Variants in GSK3A observed in about 807,000 individuals in gnomAD.
The protein encoded by GSK3A is glycogen synthase kinase-3 alpha.
GSK3A carries 14 observed loss-of-function variants against 56.6 expected under a neutral mutation model. That is an observed-to-expected ratio of 0.25 (90% CI 0.16 to 0.39). The LOEUF (loss-of-function observed/expected upper bound fraction) is 0.39. GSK3A is among the 10% of genes least tolerant of loss of function. GSK3A has a pLI of 1.00. For missense variants in GSK3A, 450 were observed against 656.0 expected (o/e 0.69, Z 3.43); for synonymous variants, 301 against 285.0 (o/e 1.06, Z -0.56).
In GSK3A at chr19:42,230,736, C is replaced by G; in HGVS notation, c.*58G>C. ...CAGGAGCTTGATGGGCTATGGCCCC[C>G]CTTCCCAGCCCCTCTTGGGGCTCCC... On this transcript the variant is annotated 3_prime_UTR_variant, in exon 11 of 11. Coordinates refer to ENST00000222330, the MANE Select transcript of GSK3A (RefSeq NM_019884.3). The G allele has an allele frequency of 1.5e-6, 2 of 1,325,512 alleles. No homozygotes were observed. The highest frequency in any genetic ancestry group is 1.5e-5 in the African/African-American group (1 of 68,808). 82.1% of individuals were successfully genotyped at this position (1,325,512 alleles called of 1,614,324 possible).
rs545101150 is a variant in GSK3A, at chr19:42,232,736, C to T, written c.1099-54G>A. ...GTGAGATGCCCTGGACACTGGCATA[C>T]TCCTGTTATCTCACTGCCACAGTGC... is the stretch of plus-strand genomic sequence containing the variant. On this transcript the variant is annotated intron_variant, in intron 8 of 10. Transcript: ENST00000222330. 197 of 1,368,152 alleles carry T rather than the reference C, an allele frequency of 1.4e-4. 1 individual carries two copies. In the East Asian group the frequency reaches 3.0e-3, roughly 21 times the overall value. 84.8% of individuals were successfully genotyped at this position (1,368,152 alleles called of 1,614,324 possible). A position where few individuals can be genotyped will look rare whatever the true frequency, so the allele number is the denominator to read the frequency against.
At chr19:42,232,471 C>T (rs371077830) in intron 9 of GSK3A, 25 bp downstream of exon 9, 1 of 1,611,740 alleles carries the variant, frequency 6.2e-7, no homozygotes, top group Non-Finnish European at 8.5e-7. Flanking sequence ...CGCCCCACTC[C>T]CCAGATCCCA....
chr19:42,235,154 C>G (rs2036249091), intron 4 of GSK3A, among the ~76,000 whole-genome samples: 1 of 152,092 alleles, frequency 6.6e-6, no homozygotes, highest in South Asian at 2.1e-4. Flanking sequence ...ACTGCTGGGC[C>G]CCACTCTTAG....
In GSK3A at chr19:42,242,507, G is replaced by A; in HGVS notation, c.-42C>T. The A allele has an allele frequency of 9.4e-7, 1 of 1,069,422 alleles. No individual in the cohort carries two copies. The highest frequency in any genetic ancestry group is 4.2e-4 in the Middle Eastern group (1 of 2,368). The allele number at this position is 1,069,422 out of a possible 1,614,324, so 66.2% of individuals were successfully genotyped here. ...CCAGGCTGCGGGGCTCGGGCTGCCC[G>A]GGCTGCCCCAGCCGCCGCCGCTGCC... On this transcript the variant is annotated 5_prime_UTR_variant, in exon 1 of 11. Coordinates refer to ENST00000222330, the MANE Select transcript of GSK3A (RefSeq NM_019884.3).
chr19:42,233,460 C>G, intron 6 of GSK3A, 77 bp from the exon 7 acceptor site: 1 of 973,734 alleles, frequency 1.0e-6, no homozygotes, highest in Non-Finnish European at 1.6e-6. Context: ...TCCTCATGGC[C>G]ATCCTAAGAG....
At chr19:42,233,529 A>C in intron 6 of GSK3A, 146 bp from the exon 7 acceptor site, 1 of 628,940 alleles carries the variant, frequency 1.6e-6, no homozygotes, top group Non-Finnish European at 2.9e-6. Context: ...CATGCAGCTT[A>C]GAAACATGGG....
rs1204251404 is a variant in GSK3A at position 42,234,331 on chromosome 19, G to A, written c.904+22C>T. 2.5e-5 allele frequency: 39 copies of A among 1,576,866 alleles called. No individual in the cohort carries two copies. The highest frequency in any genetic ancestry group is 3.3e-5 in the South Asian group (3 of 90,330). ...AACTTCCCAGATTGCCACTCCCCCC[G>A]CCACCCTCCCATAACTCTGACCGAT... On this transcript the variant is annotated intron_variant, in intron 6 of 10. Coordinates refer to ENST00000222330, the MANE Select transcript of GSK3A (RefSeq NM_019884.3). The surrounding 1 kb of genome is among the most constrained non-coding windows in gnomAD (Gnocchi z 5.7).
In GSK3A at chr19:42,236,905, A is replaced by G; in HGVS notation, c.508T>C (p.Cys170Arg). The change falls in exon 3 of 11, where the codon TGC becomes CGC. Residue 170 changes from cysteine (C) to arginine (R), a missense_variant. Coordinates refer to ENST00000222330, the MANE Select transcript of GSK3A (RefSeq NM_019884.3). ...ELQIMRKLDH[C>R]NIVRLRYFFY... is the part of the protein sequence containing the mutation. The stretch of plus-strand genomic sequence containing the variant: ...AAGTATCTCAGCCTCACAATATTGC[A>G]GTGGTCCAGCTTACGCATGATCTGC... The G allele has an allele frequency of 6.2e-7, 1 of 1,613,334 alleles. No homozygotes were observed. The highest frequency in any genetic ancestry group is 8.5e-7 in the Non-Finnish European group (1 of 1,179,356).
intron 6 of GSK3A, among the ~76,000 whole-genome samples, chr19:42,233,599 T>C (rs2036238800): frequency 6.6e-6 from 1 of 152,168 alleles, no homozygotes; most frequent in African/African-American, 2.4e-5. Flanking sequence ...CAGCCCTCAG[T>C]TCCTCTCTCT....
rs1448054868 is a variant in GSK3A, at chr19:42,230,828, G to C, written c.1418C>G (p.Thr473Ser). 1 of 1,563,328 alleles carries C rather than the reference G, an allele frequency of 6.4e-7. No homozygotes were observed. The highest frequency in any genetic ancestry group is 1.4e-5 in the African/African-American group (1 of 73,598). The change falls in exon 11 of 11, where the codon ACC (threonine) becomes AGC (serine). Residue 473 changes from threonine (T) to serine (S), a missense_variant. Thr to Ser is a moderately conservative substitution (Grantham distance 58). Around this residue, in one of 3 missense-constraint regions of GSK3A, gnomAD observed 113 missense variants for 147.5 expected, o/e 0.77. Coordinates refer to ENST00000222330, the MANE Select transcript of GSK3A (RefSeq NM_019884.3). Reference protein sequence around the residue: ...ETPTSSDWQSTDATPTLTNSS With the variant: ...ETPTSSDWQSSDATPTLTNSS ...GTTAGTGAGGGTAGGTGTGGCATCG[G>C]TCGACTGCCAGTCTGAGCTGGTCGG...
In GSK3A at chr19:42,230,637, TGG is replaced by T; in HGVS notation, c.*155_*156del. On this transcript the variant is annotated 3_prime_UTR_variant, in exon 11 of 11. Coordinates refer to ENST00000222330, the MANE Select transcript of GSK3A (RefSeq NM_019884.3). ...AAAAAGCCCACCACAGGGGTGAGGCTGGTGAGGGAGGGACTGGAGGTGGGGAC... is the reference window on the plus strand; with the variant it reads ...AAAAAGCCCACCACAGGGGTGAGGCTTGAGGGAGGGACTGGAGGTGGGGAC... 1 of 639,096 alleles carries T rather than the reference TGG, an allele frequency of 1.6e-6. No individual in the cohort carries two copies. Among genetic ancestry groups the T allele is most frequent in the South Asian group, 1.8e-5 (1 of 54,866 alleles). The allele number at this position is 639,096 out of a possible 1,614,324, so 39.6% of individuals were successfully genotyped here.
intron 4 of GSK3A, among the ~76,000 whole-genome samples, chr19:42,235,059 G>A (rs2036248223): frequency 1.3e-5 from 2 of 152,060 alleles, no homozygotes; most frequent in South Asian, 2.1e-4. Flanking sequence ...CTCAGGAGGC[G>A]GAGGTTGCAG....
chr19:42,230,588 C>G lies in GSK3A; in HGVS notation c.*206G>C. ...CAACACCCTGTCCTTCTCTTCCCTCCCCACAACCAGTTAAAATCCTCTTAA... is the reference window on the plus strand; with the variant it reads ...CAACACCCTGTCCTTCTCTTCCCTCGCCACAACCAGTTAAAATCCTCTTAA... On this transcript the variant is annotated 3_prime_UTR_variant, in exon 11 of 11. Coordinates refer to ENST00000222330, the MANE Select transcript of GSK3A (RefSeq NM_019884.3). 1.7e-6 allele frequency: 1 copy of G among 592,122 alleles called. No individual in the cohort carries two copies. The highest frequency in any genetic ancestry group is 1.9e-5 in the African/African-American group (1 of 53,804). 36.7% of individuals were successfully genotyped at this position (592,122 alleles called of 1,614,324 possible).
chr19:42,234,994 G>A lies in GSK3A; in HGVS notation c.667-316C>T, dbSNP rs1305907307. On this transcript the variant is annotated intron_variant, in intron 4 of 10. Coordinates refer to ENST00000222330, the MANE Select transcript of GSK3A (RefSeq NM_019884.3). The surrounding 1 kb of genome is among the most constrained non-coding windows in gnomAD (Gnocchi z 5.7). ...ATACAAAAATTAGCCGGGCGTGGTG[G>A]TGCACACCTGTAATCCCAGCTACTC... Among the ~76,000 whole-genome samples, 2 of 152,168 alleles carry A rather than the reference G, an allele frequency of 1.3e-5. No individual in the cohort carries two copies.
At position 42,230,849 on chromosome 19, in the gene GSK3A, G is replaced by A; in HGVS notation, c.1397C>T (p.Thr466Ile). The stretch of plus-strand genomic sequence containing the variant: ...ATCGGTCGACTGCCAGTCTGAGCTG[G>A]TCGGAGTCTCAGTTAAAGCTGGAGG... ...PSSQALTETP[T>I]SSDWQSTDAT... Residue 466 changes from threonine (T) to isoleucine (I), a missense_variant, in exon 11 of 11, where the codon ACC (threonine) becomes ATC (isoleucine). By Grantham distance (89) the Thr-to-Ile change is moderately conservative (BLOSUM62 -1). Coordinates refer to ENST00000222330, the MANE Select transcript of GSK3A (RefSeq NM_019884.3). 6 of 1,561,516 alleles carry A rather than the reference G, an allele frequency of 3.8e-6. No homozygotes were observed. Among genetic ancestry groups the A allele is most frequent in the Non-Finnish European group, 5.2e-6 (6 of 1,152,372 alleles).
chr19:42,234,584 G>C lies in GSK3A; in HGVS notation c.761C>G (p.Pro254Arg). 1 of 1,614,118 alleles carries C rather than the reference G, an allele frequency of 6.2e-7. No homozygotes were observed. The highest frequency in any genetic ancestry group is 8.5e-7 in the Non-Finnish European group (1 of 1,179,990). The change falls in exon 5 of 11, where the codon CCT becomes CGT. Residue 254 changes from proline to arginine, a missense_variant. By Grantham distance (103) the Pro-to-Arg change is moderately radical. Transcript: ENST00000222330. The surrounding 1 kb of genome is among the most constrained non-coding windows in gnomAD (Gnocchi z 5.7). ...GCAGAGCTTGAGGACAGCAGTGTCA[G>C]GGTCCACCAGCAGGTTCTGGGGCTT... ...DIKPQNLLVD[P>R]DTAVLKLCDF...
Position 42,234,403 on chromosome 19 carries a change from T to C in GSK3A, c.854A>G (p.Tyr285Cys). The C allele has an allele frequency of 6.2e-7, 1 of 1,614,036 alleles. No individual in the cohort carries two copies. Among genetic ancestry groups the C allele is most frequent in the Non-Finnish European group, 8.5e-7 (1 of 1,179,982 alleles). ...TCCAAAGATGAGCTCTGGGGCCCGG[T>C]AGTAGCGAGAACAGATGTAGGAGAC... is the stretch of plus-strand genomic sequence containing the variant. ...PNVSYICSRY[Y>C]RAPELIFGAT... The change falls in exon 6 of 11, where the codon TAC becomes TGC. Residue 285 changes from tyrosine to cysteine, a missense_variant. Coordinates refer to ENST00000222330, the MANE Select transcript of GSK3A (RefSeq NM_019884.3). This position sits in a 1 kb window ranked among gnomAD's most constrained non-coding sequence, Gnocchi z 5.7.
Position 42,236,844 on chromosome 19 carries a change from C to T in GSK3A, c.555+14G>A, listed in dbSNP as rs745615753. The T allele has an allele frequency of 3.3e-5, 53 of 1,596,908 alleles. No individual in the cohort carries two copies. The highest frequency in any genetic ancestry group is 4.3e-5 in the Non-Finnish European group (50 of 1,164,530). On this transcript the variant is annotated intron_variant, in intron 3 of 10. Transcript: ENST00000222330. ...TGGCTGGAGCAACCCACCACCACCA[C>T]CTCGAGATCTCACCTTCTCGCCACT... is the stretch of plus-strand genomic sequence containing the variant.
chr19:42,236,788 G>T, intron 3 of GSK3A, 70 bp downstream of exon 3: 2 of 1,474,668 alleles, frequency 1.4e-6, no homozygotes, highest in Non-Finnish European at 1.9e-6. Context: ...TATGCAGGGA[G>T]CAGTGGGGGA....
Sources: allele counts gnomAD v4.1 joint callset (sites outside exome capture counted in the v4.1 genomes callset), GRCh38; gene constraint gnomAD v4.1.1; regional missense constraint gnomAD v4.1.1; non-coding constraint Gnocchi (gnomAD v3.1); transcripts MANE v1.5; gene names NCBI Gene and HGNC (gene_info 2026-07-23, HGNC 2026-07-21).